The following CC2D2B variants were observed in gnomAD, a reference collection of about 807,000 sequenced individuals.
CC2D2B encodes protein CC2D2B.
Under a neutral mutation model 161.2 loss-of-function variants are expected in CC2D2B, and 128 were observed. The ratio of observed to expected loss-of-function variants is 0.79; its 90% CI spans 0.69 to 0.92. The LOEUF is 0.92. Among genes scored for constraint, CC2D2B ranks in the 40% least tolerant of loss-of-function variants. The pLI is 0.00. For synonymous variants in CC2D2B, 391 were observed against 449.8 expected, an observed-to-expected ratio of 0.87 and a Z score of 1.65; for missense variants, 1,173 against 1,375.1, an observed-to-expected ratio of 0.85 and a Z score of 2.32.
At chr10:95,945,777 C>CGTT in intron 9 of CC2D2B, among the ~76,000 whole-genome samples, 1 of 81,124 alleles carries the variant, frequency 1.2e-5, no homozygotes, top group Non-Finnish European at 2.4e-5. Flanking sequence ...TAATGTTGGA[C>CGTT]TTTTTTTTTT....
chr10:96,020,654 T>C (rs371735834), intron 32 of CC2D2B: 32 of 151,638 alleles, frequency 2.1e-4, no homozygotes, highest in African/African-American at 7.0e-4. Flanking sequence ...AAAAGAACAA[T>C]AGAAAAATTA....
chr10:96,015,205 C>A (rs1201027652), intron 29 of CC2D2B, among the ~76,000 whole-genome samples: 3 of 150,498 alleles, frequency 2.0e-5, no homozygotes, highest in Admixed American at 1.3e-4. Context: ...GCTGGAATTA[C>A]AGGCACGCAC....
At chr10:95,923,319 C>T in intron 3 of CC2D2B, among the ~76,000 whole-genome samples, 1 of 152,228 alleles carries the variant, frequency 6.6e-6, no homozygotes, top group East Asian at 1.9e-4. Context: ...CTCCTGGCCT[C>T]AAGCAGTCCT....
Position 95,983,656 on chromosome 10 carries a change from G to A in CC2D2B, c.2133G>A (p.Gln711=). 1 of 1,231,700 alleles carries A rather than the reference G, an allele frequency of 8.1e-7. No homozygotes were observed. Among genetic ancestry groups the A allele is most frequent in the Non-Finnish European group, 1.0e-6 (1 of 987,640 alleles). The allele number at this position is 1,231,700 out of a possible 1,614,324, so 76.3% of individuals were successfully genotyped here. A position where few individuals can be genotyped will look rare whatever the true frequency, so the allele number is the denominator to read the frequency against. Reference sequence around the variant, plus strand: ...TTCCAAAGTATTTTCGTCTTGAACAGTTGCAAGATGAATTTAACTTCGTTT... The same window carrying A: ...TTCCAAAGTATTTTCGTCTTGAACAATTGCAAGATGAATTTAACTTCGTTT... ...QDIPKYFRLE[Q]LQDEFNFVSE... The change falls in exon 19 of 35, where the codon CAG becomes CAA. Residue 711 remains glutamine, a synonymous_variant. Coordinates refer to ENST00000646931, the MANE Select transcript of CC2D2B (RefSeq NM_001349008.3).
intron 11 of CC2D2B, among the ~76,000 whole-genome samples, chr10:95,955,909 G>T (rs1160200444): frequency 6.6e-6 from 1 of 152,156 alleles, no homozygotes; most frequent in Non-Finnish European, 1.5e-5. Flanking sequence ...TACAAGTTGG[G>T]AGCCATTGGC....
At chr10:95,922,224 A>C in intron 3 of CC2D2B, 148 bp downstream of exon 3, 1 of 477,200 alleles carries the variant, frequency 2.1e-6, no homozygotes, top group Non-Finnish European at 3.8e-6. Flanking sequence ...AAATAAAACA[A>C]GATGGGCATA....
intron 2 of CC2D2B, chr10:95,920,596 C>T (rs1032271613): frequency 6.6e-6 from 1 of 152,006 alleles, no homozygotes; most frequent in Non-Finnish European, 1.5e-5. Flanking sequence ...CTCCTCCTTT[C>T]CTCAAGCAGA....
intron 21 of CC2D2B, among the ~76,000 whole-genome samples, chr10:95,992,136 C>A (rs558724891): frequency 6.6e-6 from 1 of 152,092 alleles, no homozygotes; most frequent in Non-Finnish European, 1.5e-5. Flanking sequence ...CCTGGGTTGG[C>A]GGCATATATA....
chr10:95,922,064 C>A lies in CC2D2B; in HGVS notation c.85C>A (p.His29Asn), dbSNP rs763298432. The change falls in exon 3 of 35, where the codon CAT (histidine) becomes AAT (asparagine). Residue 29 changes from histidine (H) to asparagine (N), a missense_variant. By Grantham distance (68) the His-to-Asn change is moderately conservative. Coordinates refer to ENST00000646931, the MANE Select transcript of CC2D2B (RefSeq NM_001349008.3). ...TACAGCTGAAGAAATTATAGACAAG[C>A]ATCTCCAAAAAGGTTCTCAATAAGT... ...NITAEEIIDK[H>N]LQKDLDAEEN... The A allele has an allele frequency of 3.8e-5, 58 of 1,529,914 alleles. 1 individual carries two copies. In the African/African-American group the frequency reaches 5.7e-4, roughly 15 times the overall value. The allele number at this position is 1,529,914 out of a possible 1,614,324, so 94.8% of individuals were successfully genotyped here. A position where few individuals can be genotyped will look rare whatever the true frequency, so the allele number is the denominator to read the frequency against.
In CC2D2B at chr10:95,947,113, A is replaced by ATATTT. The variant is rs1289243570; in HGVS notation, c.802-2782_802-2781insATTTT. On this transcript the variant is annotated intron_variant, in intron 9 of 34. Transcript: ENST00000646931. ...TATATATATATATATATATATATAT[A>ATATTT]TTTTTTTTTTTTTTTTTGAGACAAA... is the stretch of plus-strand genomic sequence containing the variant. 1.4e-3 allele frequency among the ~76,000 whole-genome samples: 70 copies of ATATTT among 48,376 alleles called. 3 individuals carry two copies. Among genetic ancestry groups the ATATTT allele is most frequent in the African/African-American group, 5.3e-3 (57 of 10,710 alleles). 31.7% of individuals were successfully genotyped at this position (48,376 alleles called of 152,430 possible).
chr10:96,016,437 C>T, intron 30 of CC2D2B, 123 bp downstream of exon 30: 1 of 676,868 alleles, frequency 1.5e-6, no homozygotes, highest in Non-Finnish European at 2.6e-6. Flanking sequence ...ATTTCATGGG[C>T]AAGCAATGAT....
Position 95,993,849 on chromosome 10 carries a change from TATAGAGAG to T in CC2D2B, c.2642+1154_2642+1161del, listed in dbSNP as rs1486325699. Among the ~76,000 whole-genome samples the T allele has an allele frequency of 7.6e-4, 77 of 101,824 alleles. 1 individual carries two copies. Among genetic ancestry groups the T allele is most frequent in the African/African-American group, 1.7e-3 (44 of 25,168 alleles). The allele number at this position is 101,824 out of a possible 152,430, so 66.8% of individuals were successfully genotyped here. A position where few individuals can be genotyped will look rare whatever the true frequency, so the allele number is the denominator to read the frequency against. On this transcript the variant is annotated intron_variant, in intron 22 of 34. Coordinates refer to ENST00000646931, the MANE Select transcript of CC2D2B (RefSeq NM_001349008.3). Reference sequence around the variant, plus strand: ...TATAAAGAGTGTATATATATATATATATAGAGAGAGAGAGAGAGAGAGTGTATATATAT... The same window carrying T: ...TATAAAGAGTGTATATATATATATATAGAGAGAGAGAGAGTGTATATATAT...
rs374439752 is a variant in CC2D2B, at chr10:96,031,824, C to T, written c.4130C>T (p.Thr1377Met). The change falls in exon 35 of 35, where the codon ACG becomes ATG. Residue 1377 changes from threonine (T) to methionine (M), a missense_variant. Thr to Met is a moderately conservative substitution (Grantham distance 81). Coordinates refer to ENST00000646931, the MANE Select transcript of CC2D2B (RefSeq NM_001349008.3). ...GCTGTTCTGTCTTTGATCCAGGTCA[C>T]GGGATTTCCCATCCAGATGCCATAC... ...FERILQFYWV[T>M]GFPIQMPYID... 62 of 1,612,516 alleles carry T rather than the reference C, an allele frequency of 3.8e-5. No homozygotes were observed. The East Asian group carries it at 4.0e-4, about 10-fold the overall frequency.
chr10:95,989,895 G>T (rs1366426422), intron 20 of CC2D2B, among the ~76,000 whole-genome samples: 1 of 152,160 alleles, frequency 6.6e-6, no homozygotes, highest in East Asian at 1.9e-4. Flanking sequence ...TACGGCCATA[G>T]GTACCTAAAT....
chr10:95,961,841 G>C lies in CC2D2B; in HGVS notation c.1122G>C (p.Gln374His), dbSNP rs1356344053. The C allele has an allele frequency of 1.6e-6, 2 of 1,231,420 alleles. No individual in the cohort carries two copies. The highest frequency in any genetic ancestry group is 6.3e-5 in the East Asian group (2 of 31,686). The allele number at this position is 1,231,420 out of a possible 1,614,324, so 76.3% of individuals were successfully genotyped here. The change falls in exon 12 of 35, where the codon CAG (glutamine) becomes CAC (histidine). Residue 374 changes from glutamine to histidine, a missense_variant. Gln to His is a conservative substitution (Grantham distance 24, BLOSUM62 0). Around this residue, in one of 3 missense-constraint regions of CC2D2B, gnomAD observed 298 missense variants for 261.2 expected, o/e 1.14. Coordinates refer to ENST00000646931, the MANE Select transcript of CC2D2B (RefSeq NM_001349008.3). ...DYYWQISNTK[Q>H]MYDLERGKDL... is the part of the protein sequence containing the mutation. ...ATTTTTGTTGTAGTAATACAAAACA[G>C]ATGTATGACTTAGAAAGGGGAAAGG...
chr10:95,995,469 G>GT (rs1340743713), intron 23 of CC2D2B, 104 bp downstream of exon 23: 9 of 603,180 alleles, frequency 1.5e-5, no homozygotes, highest in African/African-American at 1.9e-5. Flanking sequence ...TTGGCTTCCA[G>GT]TTTATTTTCC....
chr10:95,907,821 C>T (rs770626184), upstream of CC2D2B: 1 of 152,706 alleles, frequency 6.5e-6, no homozygotes, highest in Non-Finnish European at 1.5e-5. Context: ...TAGACCCCGG[C>T]GGCGAACAGA....
chr10:95,950,407 T>A (rs1040713141), intron 10 of CC2D2B: 1 of 185,816 alleles, frequency 5.4e-6, no homozygotes, highest in African/African-American at 2.3e-5. Flanking sequence ...TTAAGTCTTA[T>A]AATAAAGTAT....
At position 95,907,992 on chromosome 10, in the gene CC2D2B, G is replaced by C. The variant is rs1340604242; in HGVS notation, c.-89G>C. 1 of 152,380 alleles carries C rather than the reference G, an allele frequency of 6.6e-6. No homozygotes were observed. Among genetic ancestry groups the C allele is most frequent in the Non-Finnish European group, 1.5e-5 (1 of 68,158 alleles). The allele number at this position is 152,380 out of a possible 1,614,324, so 9.4% of individuals were successfully genotyped here. On this transcript the variant is annotated 5_prime_UTR_variant, in exon 1 of 35. Transcript: ENST00000646931. ...GGTGGGGCGGTTGGTGATCATCCTA[G>C]CCTGCGGTAGATGGTGCGCCCTGCC...
Sources: allele counts gnomAD v4.1 joint callset (sites outside exome capture counted in the v4.1 genomes callset), GRCh38; gene constraint gnomAD v4.1.1; regional missense constraint gnomAD v4.1.1; transcripts MANE v1.5; gene names NCBI Gene and HGNC (gene_info 2026-07-23, HGNC 2026-07-21).